The following HECTD4 variants were observed in gnomAD, a reference collection of about 807,000 sequenced individuals.
The protein encoded by HECTD4 is probable E3 ubiquitin-protein ligase HECTD4.
Under a neutral mutation model 471.5 loss-of-function variants are expected in HECTD4, and 114 were observed. The ratio of observed to expected loss-of-function variants is 0.24; its 90% CI spans 0.21 to 0.28. HECTD4 has a LOEUF of 0.28. Ranked by LOEUF, HECTD4 falls within the 10% of genes least tolerant of loss-of-function variation. The pLI is 1.00. For synonymous variants in HECTD4, 2,012 were observed against 2,256.0 expected, an observed-to-expected ratio of 0.89 and a Z score of 3.07; for missense variants, 3,866 against 5,651.5, an observed-to-expected ratio of 0.68 and a Z score of 10.13.
At chr12:112,198,535 T>G (rs2032317457) in intron 55 of HECTD4, among the ~76,000 whole-genome samples, 1 of 152,158 alleles carries the variant, frequency 6.6e-6, no homozygotes, top group Non-Finnish European at 1.5e-5. Flanking sequence ...AGGCCTGGGC[T>G]GTCGTGGTGG....
chr12:112,171,012 C>T, intron 68 of HECTD4, 105 bp downstream of exon 68: 1 of 969,360 alleles, frequency 1.0e-6, no homozygotes, highest in Non-Finnish European at 1.5e-6. Flanking sequence ...GGGGTGGCAT[C>T]TTCCTGGCGG....
At position 112,173,567 on chromosome 12, in the gene HECTD4, T is replaced by G. The variant is rs75460981; in HGVS notation, c.11595-706A>C. ...ACCACACCTGGCTAATTTTTTTTTT[T>G]GTATTTTTAGTAGAGACGAGGTTTC... On this transcript the variant is annotated intron_variant, in intron 66 of 75. Transcript: ENST00000682272. The surrounding 1 kb of genome is among the most constrained non-coding windows in gnomAD (Gnocchi z 4.3). Among the ~76,000 whole-genome samples, 1 of 151,770 alleles carries G rather than the reference T, an allele frequency of 6.6e-6. No individual in the cohort carries two copies. Among genetic ancestry groups the G allele is most frequent in the Non-Finnish European group, 1.5e-5 (1 of 67,928 alleles).
At chr12:112,220,348 C>T (rs1049771281) in intron 44 of HECTD4, among the ~76,000 whole-genome samples, 5 of 152,106 alleles carry the variant, frequency 3.3e-5, no homozygotes, top group East Asian at 3.9e-4. Context: ...TGCGCACACA[C>T]GCAGACCACA....
In HECTD4 at chr12:112,319,840, C is replaced by T. The variant is rs1468852231; in HGVS notation, c.178-98G>A. On this transcript the variant is annotated intron_variant, in intron 1 of 75. Transcript: ENST00000682272. The surrounding 1 kb of genome is among the most constrained non-coding windows in gnomAD (Gnocchi z 5.3). ...TAATGATATCCCAAAATAGTCAACG[C>T]CAAAAATTATTTTAATTACAATCAA... is the stretch of plus-strand genomic sequence containing the variant. 1 of 839,470 alleles carries T rather than the reference C, an allele frequency of 1.2e-6. No homozygotes were observed. The highest frequency in any genetic ancestry group is 6.2e-5 in the South Asian group (1 of 16,024). The allele number at this position is 839,470 out of a possible 1,614,324, so 52.0% of individuals were successfully genotyped here.
chr12:112,293,397 A>G (rs1291226139), intron 7 of HECTD4, among the ~76,000 whole-genome samples: 1 of 148,066 alleles, frequency 6.8e-6, no homozygotes, highest in South Asian at 2.1e-4. Context: ...TTAGCTGGGC[A>G]TGGTGGTGGT....
chr12:112,182,881 T>A (rs2031728848), intron 62 of HECTD4, among the ~76,000 whole-genome samples, 178 bp downstream of exon 62: 1 of 152,188 alleles, frequency 6.6e-6, no homozygotes, highest in Non-Finnish European at 1.5e-5. Flanking sequence ...TCACCAACAC[T>A]CTCTGAATTG....
chr12:112,319,887 G>T lies in HECTD4; in HGVS notation c.178-145C>A. On this transcript the variant is annotated intron_variant, in intron 1 of 75. Transcript: ENST00000682272. The surrounding 1 kb of genome is among the most constrained non-coding windows in gnomAD (Gnocchi z 5.3). ...TCAAATGGAAAACGTATACTGTAAA[G>T]CCAGCTCTTTGCTGATGGAATTGTT... The T allele has an allele frequency of 1.8e-6, 1 of 567,142 alleles. No individual in the cohort carries two copies. Among genetic ancestry groups the T allele is most frequent in the Non-Finnish European group, 2.6e-6 (1 of 380,812 alleles). The allele number at this position is 567,142 out of a possible 1,614,324, so 35.1% of individuals were successfully genotyped here.
intron 1 of HECTD4, among the ~76,000 whole-genome samples, chr12:112,355,210 G>C (rs1441290715): frequency 2.7e-5 from 4 of 148,322 alleles, no homozygotes; most frequent in African/African-American, 1.0e-4. Flanking sequence ...CAGAACTCCT[G>C]ACTTCAGGCC....
intron 1 of HECTD4, among the ~76,000 whole-genome samples, chr12:112,323,955 TTTC>T (rs1190777522): frequency 8.3e-5 from 3 of 36,182 alleles, no homozygotes; most frequent in Non-Finnish European, 1.3e-4. Context: ...TGCTTCTTTC[TTTC>T]TTTCTTTCTT....
In HECTD4 at chr12:112,352,335, C is replaced by CT. The variant is rs1183472420; in HGVS notation, c.177+29616dup. ...CTTAGAATATCTGTGGATGGAGCAT[C>CT]TTTTTTTTTTTTTTTTTGAGACAGA... is the stretch of plus-strand genomic sequence containing the variant. On this transcript the variant is annotated intron_variant, in intron 1 of 75. Transcript: ENST00000682272. Among the ~76,000 whole-genome samples, 7,850 of 136,650 alleles carry CT rather than the reference C, an allele frequency of 0.057. 1,120 individuals are homozygous for CT. In the East Asian group the frequency reaches 0.61, roughly 11 times the overall value. The allele number at this position is 136,650 out of a possible 152,430, so 89.6% of individuals were successfully genotyped here. A position where few individuals can be genotyped will look rare whatever the true frequency, so the allele number is the denominator to read the frequency against.
chr12:112,286,305 C>T (rs538725563), intron 7 of HECTD4, among the ~76,000 whole-genome samples: 1 of 152,296 alleles, frequency 6.6e-6, no homozygotes, highest in Non-Finnish European at 1.5e-5. Context: ...ATTATTAGAC[C>T]AGCCTCCCAA....
chr12:112,302,621 C>T, intron 7 of HECTD4: 1 of 637,324 alleles, frequency 1.6e-6, no homozygotes, highest in Non-Finnish European at 2.8e-6. Flanking sequence ...TTCACAACAG[C>T]AGGGGCCGGG....
At chr12:112,365,292 T>C (rs1193316764) in intron 1 of HECTD4, among the ~76,000 whole-genome samples, 1 of 152,220 alleles carries the variant, frequency 6.6e-6, no homozygotes, top group Non-Finnish European at 1.5e-5. Context: ...CATATGCCTA[T>C]AGTCCTAGCT....
chr12:112,298,801 G>C (rs1464466017), intron 7 of HECTD4, among the ~76,000 whole-genome samples: 5 of 150,916 alleles, frequency 3.3e-5, no homozygotes, highest in Admixed American at 1.3e-4. Context: ...AGAATCACTT[G>C]AACCTGGGAG....
At chr12:112,281,784 A>T (rs1358285546) in intron 8 of HECTD4, among the ~76,000 whole-genome samples, 1 of 152,216 alleles carries the variant, frequency 6.6e-6, no homozygotes, top group Non-Finnish European at 1.5e-5. Context: ...TATAAAAATA[A>T]AGCATAAGAT....
chr12:112,246,886 A>C lies in HECTD4; in HGVS notation c.4513+15T>G, dbSNP rs1300650268. 12 of 1,605,490 alleles carry C rather than the reference A, an allele frequency of 7.5e-6. No individual in the cohort carries two copies. Among genetic ancestry groups the C allele is most frequent in the Non-Finnish European group, 8.5e-6 (10 of 1,177,198 alleles). On this transcript the variant is annotated intron_variant, in intron 29 of 75. Transcript: ENST00000682272. ...ATATAACAGAAGCCGATTAGGGGCT[A>C]TCTTTGAGCAGTACCTGGTGTTTCA...
chr12:112,209,505 T>C (rs2032698735), intron 50 of HECTD4, among the ~76,000 whole-genome samples: 2 of 152,240 alleles, frequency 1.3e-5, no homozygotes, highest in African/African-American at 4.8e-5. Context: ...TTTGTATTTT[T>C]AGTAGAGACG....
intron 72 of HECTD4, among the ~76,000 whole-genome samples, chr12:112,164,484 C>G (rs1402953865): frequency 6.6e-6 from 1 of 152,216 alleles, no homozygotes; most frequent in African/African-American, 2.4e-5. Context: ...GACCCACATT[C>G]CAGGCCTCTT....
chr12:112,233,191 A>C, intron 37 of HECTD4, 106 bp from the exon 38 acceptor site: 3 of 652,184 alleles, frequency 4.6e-6, no homozygotes, highest in East Asian at 2.9e-5. Flanking sequence ...TTATACACTA[A>C]CATTAGCTTA....
Sources: allele counts gnomAD v4.1 joint callset (sites outside exome capture counted in the v4.1 genomes callset), GRCh38; gene constraint gnomAD v4.1.1; non-coding constraint Gnocchi (gnomAD v3.1); transcripts MANE v1.5; gene names NCBI Gene and HGNC (gene_info 2026-07-23, HGNC 2026-07-21).